Variants in MOSMO observed in about 807,000 individuals in gnomAD.
MOSMO encodes modulator of smoothened protein.
In MOSMO, 5 loss-of-function variants were observed where a neutral mutation model predicts 18.4. That is an observed-to-expected ratio of 0.27 (90% CI 0.14 to 0.57). The LOEUF is 0.57. MOSMO is among the 20% of genes least tolerant of loss of function. The probability of loss-of-function intolerance (pLI) is 0.92; values close to 1 mark genes in which losing one functional copy is unlikely to be tolerated. For synonymous variants in MOSMO, 82 were observed against 82.3 expected (o/e 1.00, Z 0.02); for missense variants, 138 against 211.8 (o/e 0.65, Z 2.16).
intron 1 of MOSMO, among the ~76,000 whole-genome samples, chr16:22,056,626 C>T (rs1201952328): frequency 1.3e-5 from 2 of 151,624 alleles, no homozygotes; most frequent in Non-Finnish European, 2.9e-5. Flanking sequence ...TTAGGTGATC[C>T]GCCTGCCTCG....
intron 1 of MOSMO, among the ~76,000 whole-genome samples, chr16:22,013,837 A>C (rs1048842137): frequency 6.8e-6 from 1 of 148,114 alleles, no homozygotes; most frequent in Admixed American, 6.8e-5. Context: ...AGATATTTTC[A>C]TTCTTGTTGT....
intron 1 of MOSMO, among the ~76,000 whole-genome samples, chr16:22,070,632 C>G (rs958145173): frequency 1.3e-5 from 2 of 152,154 alleles, no homozygotes. Flanking sequence ...ATGTGTGGCT[C>G]ATTAAGTTTC....
chr16:22,075,744 C>T (rs1487896145), intron 2 of MOSMO, 45 bp downstream of exon 2: 14 of 1,326,824 alleles, frequency 1.1e-5, no homozygotes, highest in Non-Finnish European at 1.5e-5. Flanking sequence ...GGCACCCACC[C>T]ACACTGGTAT....
intron 1 of MOSMO, among the ~76,000 whole-genome samples, chr16:22,040,076 A>G (rs1900182046): frequency 6.6e-6 from 1 of 152,236 alleles, no homozygotes; most frequent in African/African-American, 2.4e-5. Flanking sequence ...GAAACTAGTT[A>G]AGAAATTATT....
At chr16:22,031,786 T>C (rs1373853952) in intron 1 of MOSMO, among the ~76,000 whole-genome samples, 1 of 152,248 alleles carries the variant, frequency 6.6e-6, no homozygotes, top group Non-Finnish European at 1.5e-5. Flanking sequence ...TTTCTACTTT[T>C]TGTGACTATT....
intron 1 of MOSMO, among the ~76,000 whole-genome samples, chr16:22,022,485 C>G (rs1899786186): frequency 6.6e-6 from 1 of 152,138 alleles, no homozygotes; most frequent in Non-Finnish European, 1.5e-5. Flanking sequence ...GGGGATTTTT[C>G]AAGTGTGATG....
At chr16:22,049,684 AG>A (rs1241043639) in intron 1 of MOSMO, among the ~76,000 whole-genome samples, 3 of 152,106 alleles carry the variant, frequency 2.0e-5, no homozygotes, top group Admixed American at 2.0e-4. Context: ...TACCTAGAAA[AG>A]TTTTCCCTAT....
chr16:22,066,081 C>T (rs981480413), intron 1 of MOSMO, among the ~76,000 whole-genome samples: 1 of 152,156 alleles, frequency 6.6e-6, no homozygotes, highest in African/African-American at 2.4e-5. Flanking sequence ...AGTAGCCTCA[C>T]AGCTATAGTA....
intron 1 of MOSMO, among the ~76,000 whole-genome samples, chr16:22,033,586 G>T (rs2141996943): frequency 6.6e-6 from 1 of 152,120 alleles, no homozygotes; most frequent in African/African-American, 2.4e-5. Context: ...GGGAAGCCGA[G>T]GCGGGCAGAT....
intron 2 of MOSMO, chr16:22,076,338 A>G (rs1380874117): frequency 1.3e-5 from 2 of 152,306 alleles, no homozygotes; most frequent in South Asian, 2.1e-4. Context: ...CATTTCTGCA[A>G]TTCTGCTTTC....
chr16:22,026,178 A>G (rs971398322), intron 1 of MOSMO, among the ~76,000 whole-genome samples: 2 of 151,878 alleles, frequency 1.3e-5, no homozygotes, highest in Non-Finnish European at 2.9e-5. Flanking sequence ...TCTGTATGAT[A>G]ACTAAGTCTG....
intron 1 of MOSMO, among the ~76,000 whole-genome samples, chr16:22,043,179 T>C (rs1195731541): frequency 6.6e-6 from 1 of 152,228 alleles, no homozygotes; most frequent in African/African-American, 2.4e-5. Context: ...GTTTCTGTGA[T>C]CTTTTAACTG....
chr16:22,074,642 C>T (rs1900928075), intron 1 of MOSMO, among the ~76,000 whole-genome samples: 1 of 152,112 alleles, frequency 6.6e-6, no homozygotes, highest in Non-Finnish European at 1.5e-5. Flanking sequence ...TAAATTACCC[C>T]AAATTTGATT....
intron 1 of MOSMO, among the ~76,000 whole-genome samples, chr16:22,053,752 G>A (rs896108106): frequency 6.6e-6 from 1 of 152,050 alleles, no homozygotes; most frequent in Non-Finnish European, 1.5e-5. Context: ...GCAGTGATCT[G>A]ATATCATGCC....
In MOSMO at chr16:22,083,545, G is replaced by T. The variant is rs929125418; in HGVS notation, c.*2665G>T. The T allele has an allele frequency of 5.8e-6, 2 of 342,132 alleles. No individual in the cohort carries two copies. Among genetic ancestry groups the T allele is most frequent in the African/African-American group, 4.6e-5 (2 of 43,428 alleles). 21.2% of individuals were successfully genotyped at this position (342,132 alleles called of 1,614,324 possible). On this transcript the variant is annotated 3_prime_UTR_variant, in exon 3 of 3. Transcript: ENST00000542527. ...ACTGTCCGCAGTTGCTTTTAAAAAAGGTCACTATAATAAGTACTATATAGT... is the reference window on the plus strand; with the variant it reads ...ACTGTCCGCAGTTGCTTTTAAAAAATGTCACTATAATAAGTACTATATAGT...
At chr16:22,021,820 G>A (rs1899770151) in intron 1 of MOSMO, among the ~76,000 whole-genome samples, 1 of 151,896 alleles carries the variant, frequency 6.6e-6, no homozygotes, top group African/African-American at 2.4e-5. Flanking sequence ...TATATATATA[G>A]GGGAGAAGTC....
chr16:22,071,864 T>C (rs932594415), intron 1 of MOSMO, among the ~76,000 whole-genome samples: 1 of 152,196 alleles, frequency 6.6e-6, no homozygotes, highest in Non-Finnish European at 1.5e-5. Flanking sequence ...TGAGCTTGTA[T>C]TTAATAAGTG....
chr16:22,072,021 TG>T (rs1464342974), intron 1 of MOSMO, among the ~76,000 whole-genome samples: 1 of 151,958 alleles, frequency 6.6e-6, no homozygotes, highest in African/African-American at 2.4e-5. Flanking sequence ...TCCAGTGGAG[TG>T]GAAGGTGCAG....
intron 1 of MOSMO, among the ~76,000 whole-genome samples, chr16:22,039,432 G>A (rs1164719663): frequency 6.6e-6 from 1 of 152,214 alleles, no homozygotes; most frequent in African/African-American, 2.4e-5. Context: ...TAACAACTCA[G>A]TAAATGCTAG....
Sources: allele counts gnomAD v4.1 joint callset (sites outside exome capture counted in the v4.1 genomes callset), GRCh38; gene constraint gnomAD v4.1.1; transcripts MANE v1.5; gene names NCBI Gene and HGNC (gene_info 2026-07-23, HGNC 2026-07-21).